RNF213: variants seen among roughly 807,000 people sequenced by gnomAD.
RNF213 encodes the protein E3 ubiquitin-protein ligase RNF213.
Under a neutral mutation model 514.4 loss-of-function variants are expected in RNF213, and 341 were observed. The ratio of observed to expected loss-of-function variants is 0.66; its 90% CI spans 0.61 to 0.73. The LOEUF (loss-of-function observed/expected upper bound fraction) is 0.73, where lower values mean the gene tolerates loss of function less well. RNF213 is among the 30% of genes least tolerant of loss of function. The pLI, the probability that RNF213 is intolerant of heterozygous loss-of-function variation, is 0.00. For missense variants in RNF213, 5,767 were observed against 6,615.6 expected (o/e 0.87, Z 4.45); for synonymous variants, 2,655 against 2,658.2 (o/e 1.00, Z 0.04).
In RNF213 at chr17:80,340,120, A is replaced by G. The variant is rs1294948022; in HGVS notation, c.5753A>G (p.Gln1918Arg). 1.2e-6 allele frequency: 2 copies of G among 1,613,236 alleles called. No individual in the cohort carries two copies. Among genetic ancestry groups the G allele is most frequent in the East Asian group, 2.2e-5 (1 of 44,860 alleles). Reference sequence around the variant, plus strand: ...GAGCTTTTCCACAATCTGTGCACGCAGCAGCACCGAGAAGACTACCAGCTC... The same window carrying G: ...GAGCTTTTCCACAATCTGTGCACGCGGCAGCACCGAGAAGACTACCAGCTC... ...AEELFHNLCTQQHREDYQLVM... is the reference protein window; with the variant it reads ...AEELFHNLCTRQHREDYQLVM... Residue 1918 changes from glutamine to arginine, a missense_variant, in exon 26 of 68, where the codon CAG becomes CGG. Coordinates refer to ENST00000582970, the MANE Select transcript of RNF213 (RefSeq NM_001256071.3).
chr17:80,375,712 AGAT>A, intron 50 of RNF213, 45 bp from the exon 51 acceptor site: 1 of 1,306,616 alleles, frequency 7.7e-7, no homozygotes, highest in African/African-American at 1.4e-5. Context: ...CAAAAAAAAA[AGAT>A]GTGTTGAGCT....
rs565686171 is a variant in RNF213, at chr17:80,348,248, C to T, written c.9913C>T (p.His3305Tyr). The change falls in exon 29 of 68, where the codon CAC becomes TAC. Residue 3305 changes from histidine to tyrosine, a missense_variant. His to Tyr is a moderately conservative substitution (Grantham distance 83). Transcript: ENST00000582970. ...TGCAGATTTCCTTCAGGCACACCTG[C>T]ACACGGCAGACCTGGAGCGCCACGC... ...SFADFLQAHLHTADLERHAIF... is the reference protein window; with the variant it reads ...SFADFLQAHLYTADLERHAIF... 5.6e-6 allele frequency: 9 copies of T among 1,613,972 alleles called. No individual in the cohort carries two copies. The highest frequency in any genetic ancestry group is 7.6e-6 in the Non-Finnish European group (9 of 1,180,054).
intron 9 of RNF213, 65 bp downstream of exon 9, chr17:80,295,068 C>T (rs142110800): frequency 6.0e-5 from 95 of 1,592,396 alleles, no homozygotes; most frequent in Non-Finnish European, 7.2e-5. Context: ...TGCTAGTGGC[C>T]GGATGACCCC....
At chr17:80,393,289 C>T (rs1476604524) in intron 67 of RNF213, 56 bp from the exon 68 acceptor site, 20 of 1,494,736 alleles carry the variant, frequency 1.3e-5, no homozygotes, top group South Asian at 2.2e-5. Flanking sequence ...GGCTTACACA[C>T]GTGAGCCACC....
At chr17:80,375,656 T>C in intron 50 of RNF213, 104 bp from the exon 51 acceptor site, 1 of 795,636 alleles carries the variant, frequency 1.3e-6, no homozygotes, top group South Asian at 1.4e-5. Flanking sequence ...TGAGCCGAGA[T>C]CATGCCACTG....
chr17:80,342,785 A>C (rs1423702024), intron 26 of RNF213, among the ~76,000 whole-genome samples: 1 of 148,236 alleles, frequency 6.7e-6, no homozygotes, highest in East Asian at 1.9e-4. Context: ...TTTTTGAGAC[A>C]GAGTTTCGCT....
chr17:80,317,127 T>C lies in RNF213; in HGVS notation c.2812-61T>C. Reference sequence around the variant, plus strand: ...GTAATGCTCTGTCTTTCTCCTTTCATGGGAGTGTGCCGTGGCATTTAGTCG... The same window carrying C: ...GTAATGCTCTGTCTTTCTCCTTTCACGGGAGTGTGCCGTGGCATTTAGTCG... On this transcript the variant is annotated intron_variant, in intron 15 of 67. Coordinates refer to ENST00000582970, the MANE Select transcript of RNF213 (RefSeq NM_001256071.3). This position sits in a 1 kb window ranked among gnomAD's most constrained non-coding sequence, Gnocchi z 4.1. 6.5e-7 allele frequency: 1 copy of C among 1,535,318 alleles called. No homozygotes were observed. Among genetic ancestry groups the C allele is most frequent in the Non-Finnish European group, 8.9e-7 (1 of 1,119,546 alleles).
At position 80,343,136 on chromosome 17, in the gene RNF213, GTC is replaced by G. The variant is rs1266588087; in HGVS notation, c.5998_5999del (p.Leu2000ValfsTer32). The G allele has an allele frequency of 1.9e-6, 3 of 1,613,178 alleles. No homozygotes were observed. Among genetic ancestry groups the G allele is most frequent in the Non-Finnish European group, 2.5e-6 (3 of 1,179,306 alleles). On this transcript the variant is annotated frameshift_variant, in exon 27 of 68. Transcript: ENST00000582970. LOFTEE classifies it high-confidence loss of function. The surrounding 1 kb of genome is among the most constrained non-coding windows in gnomAD (Gnocchi z 4.3). ...VASERAGVGK[S>X]LYVKRLHDKM... ...ATTTCTGTATTAATGTTATAGGAAA[GTC>G]TCTGTACGTGAAGAGGTTGCACGAC...
chr17:80,279,655 G>T (rs1001297386), intron 3 of RNF213, among the ~76,000 whole-genome samples: 1 of 151,910 alleles, frequency 6.6e-6, no homozygotes, highest in East Asian at 1.9e-4. Flanking sequence ...TTTTAGTAGA[G>T]ACGGGGTTTC....
chr17:80,272,289 A>T (rs1422405823), intron 2 of RNF213, among the ~76,000 whole-genome samples: 4 of 152,204 alleles, frequency 2.6e-5, no homozygotes, highest in Non-Finnish European at 5.9e-5. Flanking sequence ...GTCTCAAAAA[A>T]AATAATAAAA....
At chr17:80,284,867 A>C (rs1246153722) in intron 3 of RNF213, among the ~76,000 whole-genome samples, 1 of 152,180 alleles carries the variant, frequency 6.6e-6, no homozygotes, top group Non-Finnish European at 1.5e-5. Context: ...CGCTTCCTCA[A>C]ATCTCATTGG....
chr17:80,328,019 C>G, intron 19 of RNF213, 30 bp downstream of exon 19: 1 of 1,535,216 alleles, frequency 6.5e-7, no homozygotes, highest in Non-Finnish European at 8.7e-7. Context: ...GCACTTCAGG[C>G]TCCTGAGGCA....
At chr17:80,269,399 C>T (rs1232622726) in intron 2 of RNF213, among the ~76,000 whole-genome samples, 2 of 151,810 alleles carry the variant, frequency 1.3e-5, no homozygotes, top group East Asian at 3.8e-4. Context: ...ATCCATCTGT[C>T]CTATCATCTA....
At chr17:80,269,078 A>G (rs1598881308) in intron 2 of RNF213, among the ~76,000 whole-genome samples, 1 of 152,200 alleles carries the variant, frequency 6.6e-6, no homozygotes, top group African/African-American at 2.4e-5. Flanking sequence ...AGCATCCAGC[A>G]TAGGAGGAAG....
intron 55 of RNF213, 146 bp downstream of exon 55, chr17:80,379,860 G>A: frequency 1.4e-6 from 1 of 720,260 alleles, no homozygotes; most frequent in Non-Finnish European, 2.5e-6. Flanking sequence ...CAATGCCAAA[G>A]TCCCAGCAGT....
intron 65 of RNF213, 28 bp downstream of exon 65, chr17:80,389,395 G>C: frequency 6.2e-7 from 1 of 1,601,102 alleles, no homozygotes; most frequent in Non-Finnish European, 8.6e-7. Context: ...AAGGAAATCA[G>C]CACAGCCCCT....
Position 80,377,880 on chromosome 17 carries a change from A to G in RNF213, c.13545+84A>G. 1 of 1,488,748 alleles carries G rather than the reference A, an allele frequency of 6.7e-7. No individual in the cohort carries two copies. The highest frequency in any genetic ancestry group is 9.4e-7 in the Non-Finnish European group (1 of 1,066,622). 92.2% of individuals were successfully genotyped at this position (1,488,748 alleles called of 1,614,324 possible). A position where few individuals can be genotyped will look rare whatever the true frequency, so the allele number is the denominator to read the frequency against. On this transcript the variant is annotated intron_variant, in intron 54 of 67. Transcript: ENST00000582970. The surrounding 1 kb of genome is among the most constrained non-coding windows in gnomAD (Gnocchi z 4.1). ...AGGGGGATCGTGGGTCAGGAGAGTG[A>G]GGCTCTCGGCCTTCCAGGAGAGCAC...
intron 59 of RNF213, chr17:80,384,800 G>A (rs11653704): frequency 0.098 from 54,071 of 552,900 alleles, 3,831 homozygotes; most frequent in African/African-American, 0.26. Context: ...CGGCTGATGC[G>A]TCAGCTCCAT....
In RNF213 at chr17:80,332,208, C is replaced by T. The variant is rs766659905; in HGVS notation, c.3720C>T (p.Ala1240=). 20 of 1,537,034 alleles carry T rather than the reference C, an allele frequency of 1.3e-5. No individual in the cohort carries two copies. Among genetic ancestry groups the T allele is most frequent in the African/African-American group, 1.1e-4 (8 of 73,048 alleles). The change falls in exon 21 of 68, where the codon GCC becomes GCT. Residue 1240 remains alanine (A), a synonymous_variant. Transcript: ENST00000582970. ...TCTTCCAGCTCTTCTGGCGGGAAGC[C>T]GCAGAGCCGCTGAGTGAGCCTAAGG... ...SHIFQLFWRE[A]AEPLSEPKED...
Sources: gnomAD v4.1 joint callset for allele counts (sites outside exome capture counted in the v4.1 genomes callset) on GRCh38, gnomAD v4.1.1 for gene constraint, Gnocchi (gnomAD v3.1) non-coding constraint, MANE v1.5 for transcripts, NCBI Gene and HGNC (gene_info 2026-07-23, HGNC 2026-07-21) for gene names.